Variants in DPY19L1 observed in about 807,000 individuals in gnomAD.
The protein encoded by DPY19L1 is protein C-mannosyl-transferase DPY19L1.
Under a neutral mutation model 96.9 loss-of-function variants are expected in DPY19L1, and 35 were observed. The ratio of observed to expected loss-of-function variants is 0.36; its 90% CI spans 0.28 to 0.48. DPY19L1 has a LOEUF of 0.48. Ranked by LOEUF, DPY19L1 falls within the 20% of genes least tolerant of loss-of-function variation. DPY19L1 has a pLI of 0.99. For missense variants in DPY19L1, 521 were observed against 777.9 expected (o/e 0.67, Z 3.93); for synonymous variants, 205 against 252.6 (o/e 0.81, Z 1.79).
chr7:34,933,469 TATTGAGTGTCAACTTGATTGGATTG>T (rs1783801374), intron 21 of DPY19L1, among the ~76,000 whole-genome samples: 1 of 152,168 alleles, frequency 6.6e-6, no homozygotes, highest in Non-Finnish European at 1.5e-5. Context: ...TGATGGTCAG[TATTGAGTGTCAACTTGATTGGATTG>T]AAGGATCAAA....
intron 1 of DPY19L1, among the ~76,000 whole-genome samples, chr7:35,023,068 G>T (rs1178809232): frequency 1.3e-5 from 2 of 152,148 alleles, no homozygotes; most frequent in African/African-American, 2.4e-5. Context: ...GGGGAGGGGA[G>T]TTCTCCCACC....
chr7:34,931,909 C>A (rs934122114), intron 21 of DPY19L1, among the ~76,000 whole-genome samples, 180 bp from the exon 22 acceptor site: 2 of 152,098 alleles, frequency 1.3e-5, no homozygotes, highest in African/African-American at 4.8e-5. Context: ...CACCTTAGGA[C>A]AAGGTCAATG....
intron 1 of DPY19L1, among the ~76,000 whole-genome samples, chr7:35,030,575 T>A (rs1437982826): frequency 3.3e-5 from 5 of 152,186 alleles, no homozygotes; most frequent in African/African-American, 1.2e-4. Context: ...ACATTCTTTA[T>A]GTGATAGTGA....
At chr7:35,012,730 GA>G (rs879472249) in intron 4 of DPY19L1, among the ~76,000 whole-genome samples, 20 of 140,140 alleles carry the variant, frequency 1.4e-4, no homozygotes, top group Non-Finnish European at 2.9e-4. Flanking sequence ...TTTCTGTATA[GA>G]AAAAAATACA....
intron 10 of DPY19L1, among the ~76,000 whole-genome samples, chr7:34,958,962 A>C (rs1243628784): frequency 6.6e-6 from 1 of 152,150 alleles, no homozygotes; most frequent in Admixed American, 6.5e-5. Flanking sequence ...AGCTCTCTTC[A>C]TATATTACAG....
chr7:35,003,274 G>T (rs983496226), intron 6 of DPY19L1, among the ~76,000 whole-genome samples: 1 of 152,212 alleles, frequency 6.6e-6, no homozygotes, highest in African/African-American at 2.4e-5. Context: ...TAAGGGCACA[G>T]GGGATCCAAC....
chr7:34,949,711 TA>T, intron 14 of DPY19L1, 85 bp downstream of exon 14: 1 of 823,796 alleles, frequency 1.2e-6, no homozygotes, highest in Non-Finnish European at 2.0e-6. Flanking sequence ...TAACAGCACA[TA>T]AAGAGTCTGA....
intron 10 of DPY19L1, among the ~76,000 whole-genome samples, chr7:34,961,952 T>A (rs1233343670): frequency 6.6e-6 from 1 of 152,158 alleles, no homozygotes; most frequent in Non-Finnish European, 1.5e-5. Flanking sequence ...CACCACCAAA[T>A]GCTGACAAGG....
chr7:34,959,604 T>A (rs1784448764), intron 10 of DPY19L1, among the ~76,000 whole-genome samples: 1 of 150,450 alleles, frequency 6.6e-6, no homozygotes, highest in Non-Finnish European at 1.5e-5. Context: ...GTCAGCAAAC[T>A]AACACAGGAA....
chr7:35,019,316 C>T (rs1785934040), intron 1 of DPY19L1, among the ~76,000 whole-genome samples: 1 of 152,110 alleles, frequency 6.6e-6, no homozygotes, highest in Non-Finnish European at 1.5e-5. Context: ...TGGCACATGC[C>T]TGTAGTATCC....
At chr7:35,034,652 T>C (rs1786342623) in intron 1 of DPY19L1, among the ~76,000 whole-genome samples, 1 of 152,208 alleles carries the variant, frequency 6.6e-6, no homozygotes, top group Admixed American at 6.5e-5. Flanking sequence ...TCATCAGTGA[T>C]TAGAACCTAT....
At chr7:35,033,608 T>G (rs1413062197) in intron 1 of DPY19L1, among the ~76,000 whole-genome samples, 5 of 152,292 alleles carry the variant, frequency 3.3e-5, no homozygotes, top group Admixed American at 6.5e-5. Context: ...ACAGCTCGAA[T>G]GCAGAAACAG....
chr7:34,957,563 T>C (rs1411212214), intron 11 of DPY19L1, among the ~76,000 whole-genome samples: 1 of 152,036 alleles, frequency 6.6e-6, no homozygotes, highest in Non-Finnish European at 1.5e-5. Flanking sequence ...ACCATCTGAA[T>C]AGTCCATACA....
At chr7:35,017,139 T>A (rs1338207945) in intron 3 of DPY19L1, among the ~76,000 whole-genome samples, 1 of 152,062 alleles carries the variant, frequency 6.6e-6, no homozygotes, top group Non-Finnish European at 1.5e-5. Flanking sequence ...AGTCTTATCT[T>A]TAGAGACACT....
intron 13 of DPY19L1, among the ~76,000 whole-genome samples, chr7:34,952,828 A>AC (rs1784296169): frequency 3.9e-5 from 6 of 152,298 alleles, no homozygotes; most frequent in African/African-American, 1.4e-4. Context: ...ATTATAAAAA[A>AC]AACACTCATA....
At chr7:34,984,319 G>A (rs1785001984) in intron 7 of DPY19L1, among the ~76,000 whole-genome samples, 1 of 152,112 alleles carries the variant, frequency 6.6e-6, no homozygotes, top group South Asian at 2.1e-4. Flanking sequence ...TTAGGCACAC[G>A]TCAAGATGAG....
intron 7 of DPY19L1, among the ~76,000 whole-genome samples, chr7:34,989,525 G>A (rs1195202887): frequency 6.6e-6 from 1 of 151,970 alleles, no homozygotes; most frequent in Non-Finnish European, 1.5e-5. Flanking sequence ...CTGATTCTGA[G>A]GCAGGAGGAT....
chr7:34,952,314 G>A lies in DPY19L1; in HGVS notation c.1320+2384C>T, dbSNP rs1649226. ...CCATTTGATGACATATATAAAATGG[G>A]AAAAATTCCTCTAAGAACATAAAAC... On this transcript the variant is annotated intron_variant, in intron 13 of 21. Coordinates refer to ENST00000638088, the MANE Select transcript of DPY19L1 (RefSeq NM_001366673.1). 1.5e-3 allele frequency among the ~76,000 whole-genome samples: 229 copies of A among 152,030 alleles called. 1 individual carries two copies. The highest frequency in any genetic ancestry group is 5.3e-3 in the African/African-American group (222 of 41,522).
intron 10 of DPY19L1, 80 bp downstream of exon 10, chr7:34,966,814 T>G: frequency 7.8e-7 from 1 of 1,282,868 alleles, no homozygotes; most frequent in Non-Finnish European, 1.1e-6. Flanking sequence ...TTACAACTAG[T>G]TTCAACCATG....
Sources: allele counts gnomAD v4.1 joint callset (sites outside exome capture counted in the v4.1 genomes callset), GRCh38; gene constraint gnomAD v4.1.1; transcripts MANE v1.5; gene names NCBI Gene and HGNC (gene_info 2026-07-23, HGNC 2026-07-21).